Variants in NCKAP5 observed in about 807,000 individuals in gnomAD.
The protein encoded by NCKAP5 is nck-associated protein 5.
In NCKAP5, 92 loss-of-function variants were observed where a neutral mutation model predicts 167.0. The observed-to-expected ratio is 0.55, with a 90% CI of 0.47 to 0.66. NCKAP5 has a LOEUF of 0.66. Among genes scored for constraint, NCKAP5 ranks in the 30% least tolerant of loss-of-function variants. The pLI, the probability that NCKAP5 is intolerant of heterozygous loss-of-function variation, is 0.00. For synonymous variants in NCKAP5, 891 were observed against 877.4 expected (o/e 1.02, Z -0.27); for missense variants, 2,378 against 2,315.0 (o/e 1.03, Z -0.56).
At chr2:133,202,910 G>A (rs545332195) in intron 5 of NCKAP5, among the ~76,000 whole-genome samples, 2 of 152,198 alleles carry the variant, frequency 1.3e-5, no homozygotes, top group Admixed American at 1.3e-4. Flanking sequence ...GAGAGGATGT[G>A]GAGAAATAGG....
chr2:132,827,257 T>C (rs1190230202), intron 11 of NCKAP5, among the ~76,000 whole-genome samples: 1 of 152,176 alleles, frequency 6.6e-6, no homozygotes, highest in East Asian at 1.9e-4. Flanking sequence ...TGTGACAAAA[T>C]ATATGTACAA....
intron 15 of NCKAP5, among the ~76,000 whole-genome samples, chr2:132,776,093 A>G (rs1367844398): frequency 1.3e-5 from 2 of 152,088 alleles, no homozygotes; most frequent in African/African-American, 2.4e-5. Flanking sequence ...TAGAACAGGC[A>G]CTCCTGATTC....
chr2:133,010,556 C>A (rs950559784), intron 6 of NCKAP5, among the ~76,000 whole-genome samples: 6 of 152,140 alleles, frequency 3.9e-5, no homozygotes, highest in Admixed American at 2.6e-4. Context: ...TTTGGGTGCT[C>A]AGGTTTCCTT....
At position 132,732,887 on chromosome 2, in the gene NCKAP5, T is replaced by A. The variant is rs16840563; in HGVS notation, c.5129-836A>T. Among the ~76,000 whole-genome samples the A allele has an allele frequency of 6.2e-3, 948 of 152,254 alleles. 14 individuals carry two copies. The highest frequency in any genetic ancestry group is 0.022 in the African/African-American group (911 of 41,546). On this transcript the variant is annotated intron_variant, in intron 16 of 19. Coordinates refer to ENST00000409261, the MANE Select transcript of NCKAP5 (RefSeq NM_207363.3). Reference sequence around the variant, plus strand: ...GTCATCCCAAAGGGTACCTTTCCCATCATAACACCACTTATCATGTGGACT... The same window carrying A: ...GTCATCCCAAAGGGTACCTTTCCCAACATAACACCACTTATCATGTGGACT...
chr2:133,471,765 T>C (rs1419036047), intron 3 of NCKAP5, among the ~76,000 whole-genome samples: 1 of 152,212 alleles, frequency 6.6e-6, no homozygotes, highest in South Asian at 2.1e-4. Flanking sequence ...TCCTCTCCCC[T>C]TGTCCTGACC....
chr2:133,237,049 A>T (rs962644183), intron 4 of NCKAP5, among the ~76,000 whole-genome samples: 2 of 143,960 alleles, frequency 1.4e-5, no homozygotes, highest in African/African-American at 2.5e-5. Context: ...AAGTATAATA[A>T]AAAAAAAAGA....
At chr2:132,764,027 C>A (rs1354892383) in intron 16 of NCKAP5, among the ~76,000 whole-genome samples, 3 of 152,134 alleles carry the variant, frequency 2.0e-5, no homozygotes, top group African/African-American at 7.2e-5. Flanking sequence ...AAAAGCCATA[C>A]TTTTAACACT....
intron 2 of NCKAP5, among the ~76,000 whole-genome samples, chr2:133,535,190 A>G (rs566823635): frequency 2.6e-5 from 4 of 152,274 alleles, no homozygotes; most frequent in African/African-American, 9.6e-5. Context: ...TGTTTCATGC[A>G]TATATTGCAT....
chr2:133,185,112 T>C (rs906623887), intron 5 of NCKAP5, among the ~76,000 whole-genome samples: 1 of 152,148 alleles, frequency 6.6e-6, no homozygotes. Flanking sequence ...TTTAAGTCTT[T>C]TGTCCATCTT....
chr2:133,071,866 G>A (rs951754197), intron 6 of NCKAP5, among the ~76,000 whole-genome samples: 1 of 152,134 alleles, frequency 6.6e-6, no homozygotes, highest in Non-Finnish European at 1.5e-5. Flanking sequence ...GCATAGACTA[G>A]GAGCCAACCT....
intron 3 of NCKAP5, among the ~76,000 whole-genome samples, chr2:133,482,308 C>T (rs1680527692): frequency 6.7e-6 from 1 of 149,650 alleles, no homozygotes; most frequent in African/African-American, 2.5e-5. Context: ...ACCTCCACCT[C>T]TTGGGATCAA....
intron 5 of NCKAP5, among the ~76,000 whole-genome samples, chr2:133,157,720 A>G (rs1379160086): frequency 1.5e-5 from 2 of 134,412 alleles, no homozygotes; most frequent in Admixed American, 1.4e-4. Flanking sequence ...ACGCTGGGAT[A>G]GTGTATAAAA....
At chr2:132,925,561 CAAAAAAAAAAA>C (rs575777951) in intron 8 of NCKAP5, among the ~76,000 whole-genome samples, 5 of 53,610 alleles carry the variant, frequency 9.3e-5, no homozygotes, top group Non-Finnish European at 2.2e-4. Flanking sequence ...GACTCCGTCT[CAAAAAAAAAAA>C]AAAAAAAAAA....
At chr2:133,021,707 CTACA>C (rs2078534805) in intron 6 of NCKAP5, among the ~76,000 whole-genome samples, 1 of 152,216 alleles carries the variant, frequency 6.6e-6, no homozygotes, top group African/African-American at 2.4e-5. Flanking sequence ...TCTCAGTTCA[CTACA>C]CCTCTGCCTC....
At chr2:132,887,447 CA>C in intron 8 of NCKAP5, among the ~76,000 whole-genome samples, 1 of 151,868 alleles carries the variant, frequency 6.6e-6, no homozygotes, top group African/African-American at 2.4e-5. Flanking sequence ...CTTTTAAGGG[CA>C]AAAACTGCAA....
At chr2:132,703,665 C>A (rs933172315) in intron 19 of NCKAP5, among the ~76,000 whole-genome samples, 1 of 152,078 alleles carries the variant, frequency 6.6e-6, no homozygotes, top group South Asian at 2.1e-4. Flanking sequence ...GATGGCATGA[C>A]CAACGGACTG....
chr2:133,159,709 G>C (rs181144880), intron 5 of NCKAP5, among the ~76,000 whole-genome samples: 4 of 152,266 alleles, frequency 2.6e-5, no homozygotes, highest in Admixed American at 2.6e-4. Context: ...ACAGTAAATA[G>C]TATTTAAATT....
At chr2:133,275,964 G>A (rs1011456076) in intron 4 of NCKAP5, among the ~76,000 whole-genome samples, 2 of 151,654 alleles carry the variant, frequency 1.3e-5, no homozygotes, top group Non-Finnish European at 2.9e-5. Flanking sequence ...GTTATACAGA[G>A]TATGCCTGTC....
chr2:132,971,914 T>C (rs2076846588), intron 7 of NCKAP5, among the ~76,000 whole-genome samples: 1 of 152,194 alleles, frequency 6.6e-6, no homozygotes, highest in South Asian at 2.1e-4. Context: ...TAGAGAACAC[T>C]ACAGGTAATT....
Sources: allele counts gnomAD v4.1 joint callset (sites outside exome capture counted in the v4.1 genomes callset), GRCh38; gene constraint gnomAD v4.1.1; transcripts MANE v1.5; gene names NCBI Gene and HGNC (gene_info 2026-07-23, HGNC 2026-07-21).